PHACTR1: variants seen among roughly 807,000 people sequenced by gnomAD.
PHACTR1 encodes RPEL repeat containing 1.
In PHACTR1, 16 loss-of-function variants were observed where a neutral mutation model predicts 69.2. The ratio of observed to expected loss-of-function variants is 0.23; its 90% CI spans 0.16 to 0.35. The LOEUF is 0.35. PHACTR1 is among the 10% of genes least tolerant of loss of function. PHACTR1 has a pLI of 1.00. For synonymous variants in PHACTR1, 312 were observed against 284.5 expected, an observed-to-expected ratio of 1.10 and a Z score of -0.97; for missense variants, 510 against 734.7, an observed-to-expected ratio of 0.69 and a Z score of 3.54.
At chr6:13,103,746 C>A (rs1815575587) in intron 5 of PHACTR1, among the ~76,000 whole-genome samples, 1 of 152,196 alleles carries the variant, frequency 6.6e-6, no homozygotes, top group Non-Finnish European at 1.5e-5. Flanking sequence ...AGAGCAGGAT[C>A]TTAACATTGG....
At chr6:12,835,813 T>C (rs564787585) in intron 4 of PHACTR1, among the ~76,000 whole-genome samples, 7 of 152,300 alleles carry the variant, frequency 4.6e-5, no homozygotes, top group Admixed American at 2.0e-4. Context: ...AGTAGCTTTT[T>C]AGTGGAAATA....
chr6:13,039,152 A>G (rs1803796641), intron 4 of PHACTR1, among the ~76,000 whole-genome samples: 1 of 152,168 alleles, frequency 6.6e-6, no homozygotes, highest in African/African-American at 2.4e-5. Context: ...GCCATTGTCA[A>G]TTTGCTCTTT....
At chr6:12,835,637 A>C (rs1167961904) in intron 4 of PHACTR1, among the ~76,000 whole-genome samples, 1 of 152,174 alleles carries the variant, frequency 6.6e-6, no homozygotes, top group Admixed American at 6.5e-5. Context: ...GAAAGTATGA[A>C]TAGGGATAGA....
chr6:13,258,362 G>A (rs372194648), intron 10 of PHACTR1, among the ~76,000 whole-genome samples: 143 of 144,874 alleles, frequency 9.9e-4, no homozygotes, highest in Middle Eastern at 3.6e-3. Context: ...CTTAAAAAAA[G>A]AAAAAAAAAA....
At chr6:12,936,388 T>C (rs1789453523) in intron 4 of PHACTR1, among the ~76,000 whole-genome samples, 1 of 152,172 alleles carries the variant, frequency 6.6e-6, no homozygotes, top group Non-Finnish European at 1.5e-5. Flanking sequence ...ATTGCAACAA[T>C]AAAGAAATCA....
At chr6:13,248,648 A>T (rs1773922821) in intron 10 of PHACTR1, among the ~76,000 whole-genome samples, 1 of 152,190 alleles carries the variant, frequency 6.6e-6, no homozygotes, top group Non-Finnish European at 1.5e-5. Flanking sequence ...ACCCTGTTAG[A>T]GGAGATAAAT....
intron 4 of PHACTR1, chr6:12,933,934 G>T: frequency 6.2e-7 from 1 of 1,603,710 alleles, no homozygotes; most frequent in Non-Finnish European, 8.5e-7. Flanking sequence ...GGGAAAATGC[G>T]GGTTGGCGTG....
intron 3 of PHACTR1, among the ~76,000 whole-genome samples, chr6:12,721,164 T>C (rs1247111585): frequency 6.6e-6 from 1 of 152,134 alleles, no homozygotes; most frequent in African/African-American, 2.4e-5. Flanking sequence ...GGCGGGTGGA[T>C]CACTGGAGGT....
At chr6:12,902,726 T>C (rs1785335768) in intron 4 of PHACTR1, among the ~76,000 whole-genome samples, 1 of 152,224 alleles carries the variant, frequency 6.6e-6, no homozygotes, top group African/African-American at 2.4e-5. Context: ...GATGATTGAA[T>C]GAATCAATAC....
chr6:13,258,848 A>T (rs1284858036), intron 10 of PHACTR1, among the ~76,000 whole-genome samples: 1 of 152,268 alleles, frequency 6.6e-6, no homozygotes, highest in Non-Finnish European at 1.5e-5. Context: ...AGCTAATAGC[A>T]AAAGATAAAA....
intron 4 of PHACTR1, among the ~76,000 whole-genome samples, chr6:12,835,963 A>T: frequency 6.6e-6 from 1 of 152,092 alleles, no homozygotes; most frequent in Non-Finnish European, 1.5e-5. Flanking sequence ...TTTTTTTGAA[A>T]CAAAAATAAA....
intron 4 of PHACTR1, among the ~76,000 whole-genome samples, chr6:12,921,688 G>A (rs1787703193): frequency 7.9e-6 from 1 of 125,902 alleles, no homozygotes; most frequent in African/African-American, 3.2e-5. Context: ...GAAGGAGGAA[G>A]GATGGAAAGA....
chr6:13,218,202 A>G lies in PHACTR1; in HGVS notation c.987-9614A>G, dbSNP rs1044473091. On this transcript the variant is annotated intron_variant, in intron 8 of 14. Coordinates refer to ENST00000332995, the MANE Select transcript of PHACTR1 (RefSeq NM_030948.6). The stretch of plus-strand genomic sequence containing the variant: ...ATTTTAGAGAAAGATTAAGGATTTA[A>G]AAGAGACAGTGATTTTCAATTTTAT... 2.0e-5 allele frequency among the ~76,000 whole-genome samples: 3 copies of G among 152,218 alleles called. No homozygotes were observed. In the East Asian group the frequency reaches 5.8e-4, roughly 29 times the overall value.
At chr6:13,055,388 C>T (rs907208964) in intron 5 of PHACTR1, among the ~76,000 whole-genome samples, 1 of 152,016 alleles carries the variant, frequency 6.6e-6, no homozygotes, top group Non-Finnish European at 1.5e-5. Flanking sequence ...GTGTATCCTC[C>T]ACTGAGACAG....
At chr6:13,197,655 T>C (rs3886292) in intron 7 of PHACTR1, among the ~76,000 whole-genome samples, 12,911 of 152,152 alleles carry the variant, frequency 0.085, 1,238 homozygotes, top group East Asian at 0.54. Flanking sequence ...CATTAACTGG[T>C]CATTTACATT....
At chr6:12,943,847 TTA>T (rs1042111661) in intron 4 of PHACTR1, among the ~76,000 whole-genome samples, 1 of 152,242 alleles carries the variant, frequency 6.6e-6, no homozygotes, top group African/African-American at 2.4e-5. Context: ...TAAATTTATT[TTA>T]TATTTGAGAT....
chr6:12,964,792 C>T (rs549047228), intron 4 of PHACTR1, among the ~76,000 whole-genome samples: 1 of 152,200 alleles, frequency 6.6e-6, no homozygotes, highest in South Asian at 2.1e-4. Context: ...TTGTTAATTG[C>T]CTAGCAGTTA....
chr6:13,180,211 G>T (rs1762007611), intron 6 of PHACTR1, among the ~76,000 whole-genome samples: 1 of 152,120 alleles, frequency 6.6e-6, no homozygotes, highest in Non-Finnish European at 1.5e-5. Context: ...TAGGTAGGGT[G>T]GTGATATGAT....
At chr6:12,841,659 C>G (rs1328534415) in intron 4 of PHACTR1, among the ~76,000 whole-genome samples, 1 of 152,138 alleles carries the variant, frequency 6.6e-6, no homozygotes. Flanking sequence ...TCAATGTTTA[C>G]TGTAGCTATC....
Sources: allele counts gnomAD v4.1 joint callset (sites outside exome capture counted in the v4.1 genomes callset), GRCh38; gene constraint gnomAD v4.1.1; transcripts MANE v1.5; gene names NCBI Gene and HGNC (gene_info 2026-07-23, HGNC 2026-07-21).